KCNIP3: variants seen among roughly 807,000 people sequenced by gnomAD.
KCNIP3 encodes the protein calsenilin.
Under a neutral mutation model 35.0 loss-of-function variants are expected in KCNIP3, and 28 were observed. The observed-to-expected ratio is 0.80, with a 90% CI of 0.59 to 1.10. The LOEUF (loss-of-function observed/expected upper bound fraction) is 1.10. KCNIP3 is among the 50% of genes least tolerant of loss of function. KCNIP3 has a pLI of 0.00. For missense variants in KCNIP3, 295 were observed against 338.4 expected (o/e 0.87, Z 1.01); for synonymous variants, 134 against 133.8 (o/e 1.00, Z -0.01).
intron 2 of KCNIP3, among the ~76,000 whole-genome samples, chr2:95,359,044 A>G (rs1350125452): frequency 6.6e-6 from 1 of 152,172 alleles, no homozygotes; most frequent in Admixed American, 6.5e-5. Context: ...AAATTTCAAC[A>G]TGAGTTTTGG....
Position 95,369,665 on chromosome 2 carries a change from C to T in KCNIP3, c.182-4631C>T, listed in dbSNP as rs1679997110. Among the ~76,000 whole-genome samples, 3 of 151,572 alleles carry T rather than the reference C, an allele frequency of 2.0e-5. No individual in the cohort carries two copies. The South Asian group carries it at 6.3e-4, about 32-fold the overall frequency. On this transcript the variant is annotated intron_variant, in intron 2 of 8. Transcript: ENST00000295225. ...TTTTTTTTTGAGCTGGGGTCTTGCC[C>T]TGCTGCCCAGGCTGAAGTGCAGTGG...
chr2:95,385,282 A>G lies in KCNIP3; in HGVS notation c.*1233A>G, dbSNP rs1184693164. The G allele has an allele frequency of 6.5e-6, 1 of 152,758 alleles. No homozygotes were observed. Among genetic ancestry groups the G allele is most frequent in the African/African-American group, 2.4e-5 (1 of 41,456 alleles). 9.5% of individuals were successfully genotyped at this position (152,758 alleles called of 1,614,324 possible). The stretch of plus-strand genomic sequence containing the variant: ...CTGTGCCTGGGATCAGTGGGGCCCC[A>G]AAGCCCAGCCCGGCTGACCAACATT... On this transcript the variant is annotated 3_prime_UTR_variant, in exon 9 of 9. Coordinates refer to ENST00000295225, the MANE Select transcript of KCNIP3 (RefSeq NM_013434.5).
At chr2:95,310,596 CA>C in intron 2 of KCNIP3, 76 bp downstream of exon 2, 2 of 1,555,266 alleles carry the variant, frequency 1.3e-6, no homozygotes, top group Non-Finnish European at 1.8e-6. Context: ...TCTGAGGGCT[CA>C]AAGGCCAGCC....
At chr2:95,345,784 C>T (rs1209990110) in intron 2 of KCNIP3, among the ~76,000 whole-genome samples, 1 of 152,386 alleles carries the variant, frequency 6.6e-6, no homozygotes, top group East Asian at 1.9e-4. Flanking sequence ...CGCCCGGCCA[C>T]GCCTCGTCCT....
chr2:95,344,516 G>A (rs1393871011), intron 2 of KCNIP3, among the ~76,000 whole-genome samples: 4 of 152,248 alleles, frequency 2.6e-5, no homozygotes, highest in Non-Finnish European at 5.9e-5. Flanking sequence ...ACAGCCAGAG[G>A]ATCGATGTCT....
At chr2:95,357,922 C>A (rs1679697154) in intron 2 of KCNIP3, among the ~76,000 whole-genome samples, 1 of 152,176 alleles carries the variant, frequency 6.6e-6, no homozygotes, top group South Asian at 2.1e-4. Context: ...CAGGCACAGG[C>A]CGTGCGCAGT....
chr2:95,305,251 ATATT>A (rs2104202077), intron 1 of KCNIP3, among the ~76,000 whole-genome samples: 1 of 152,330 alleles, frequency 6.6e-6, no homozygotes, highest in African/African-American at 2.4e-5. Flanking sequence ...TCATTCGTGA[ATATT>A]TATTCAGAGC....
chr2:95,381,765 G>A (rs892744825), intron 6 of KCNIP3, 62 bp downstream of exon 6: 27 of 1,129,440 alleles, frequency 2.4e-5, no homozygotes, highest in African/African-American at 1.8e-4. Flanking sequence ...CACCCCTCCC[G>A]CCGCTCTTCC....
chr2:95,347,319 AGCGCTTGGGCTGGGTGTGAGTGAG>A (rs1462772771), intron 2 of KCNIP3, among the ~76,000 whole-genome samples: 3 of 152,184 alleles, frequency 2.0e-5, no homozygotes, highest in Admixed American at 6.5e-5. Flanking sequence ...ACGAAGCCGC[AGCGCTTGGGCTGGGTGTGAGTGAG>A]GCGCCTGGTG....
intron 2 of KCNIP3, among the ~76,000 whole-genome samples, chr2:95,362,848 C>G (rs886389813): frequency 2.0e-5 from 3 of 152,174 alleles, no homozygotes; most frequent in African/African-American, 7.2e-5. Flanking sequence ...TTCAGAATTA[C>G]CATTGATCTA....
intron 2 of KCNIP3, among the ~76,000 whole-genome samples, chr2:95,337,771 C>T (rs185070734): frequency 9.2e-5 from 14 of 152,326 alleles, no homozygotes; most frequent in South Asian, 6.2e-4. Flanking sequence ...GTCCTTCTGC[C>T]GCTACCTCAG....
At chr2:95,342,106 CTGAGA>C (rs772828598) in intron 2 of KCNIP3, among the ~76,000 whole-genome samples, 4 of 152,040 alleles carry the variant, frequency 2.6e-5, no homozygotes, top group Non-Finnish European at 5.9e-5. Context: ...TGCGAAGACC[CTGAGA>C]TGAGAGAGTG....
chr2:95,343,702 A>G (rs1396808243), intron 2 of KCNIP3, among the ~76,000 whole-genome samples: 9 of 152,196 alleles, frequency 5.9e-5, no homozygotes, highest in Admixed American at 1.3e-4. Flanking sequence ...CGGGGCAGAG[A>G]GCCAAAATGC....
intron 2 of KCNIP3, among the ~76,000 whole-genome samples, chr2:95,339,484 T>C (rs1250557709): frequency 1.3e-5 from 2 of 151,846 alleles, no homozygotes; most frequent in Admixed American, 1.3e-4. Flanking sequence ...CTTGGGAGGC[T>C]GAGGCGGGAG....
chr2:95,325,870 TAC>T (rs564533158), intron 2 of KCNIP3, among the ~76,000 whole-genome samples: 284 of 135,362 alleles, frequency 2.1e-3, no homozygotes, highest in Middle Eastern at 5.0e-3. Flanking sequence ...CAGGCACACA[TAC>T]ACTCAGACAT....
chr2:95,301,850 G>T (rs933726083), intron 1 of KCNIP3, among the ~76,000 whole-genome samples: 2 of 151,962 alleles, frequency 1.3e-5, no homozygotes, highest in Non-Finnish European at 2.9e-5. Flanking sequence ...TGGGGCCCAG[G>T]GCTGTGTGTG....
intron 1 of KCNIP3, among the ~76,000 whole-genome samples, chr2:95,307,033 C>G (rs1420862451): frequency 6.6e-6 from 1 of 152,250 alleles, no homozygotes; most frequent in Non-Finnish European, 1.5e-5. Flanking sequence ...GCTGGGGTCT[C>G]CCTGCCCTCC....
At chr2:95,323,157 G>GC (rs1342488506) in intron 2 of KCNIP3, among the ~76,000 whole-genome samples, 3 of 152,236 alleles carry the variant, frequency 2.0e-5, no homozygotes, top group Non-Finnish European at 2.9e-5. Context: ...GGCGAGATGG[G>GC]CAGGGCAGCC....
chr2:95,346,478 G>C (rs1392024606), intron 2 of KCNIP3, among the ~76,000 whole-genome samples: 1 of 149,964 alleles, frequency 6.7e-6, no homozygotes, highest in Non-Finnish European at 1.5e-5. Context: ...CGCCCTTCCC[G>C]GGCAGGCGCG....
Sources: gnomAD v4.1 joint callset for allele counts (sites outside exome capture counted in the v4.1 genomes callset) on GRCh38, gnomAD v4.1.1 for gene constraint, MANE v1.5 for transcripts, NCBI Gene and HGNC (gene_info 2026-07-23, HGNC 2026-07-21) for gene names.